Variants in PPP2R2B observed in about 807,000 individuals in gnomAD.
The protein encoded by PPP2R2B is serine/threonine-protein phosphatase 2A 55 kDa regulatory subunit B beta isoform.
In PPP2R2B, 5 loss-of-function variants were observed where a neutral mutation model predicts 46.0. That is an observed-to-expected ratio of 0.11 (90% CI 0.06 to 0.23). The LOEUF (loss-of-function observed/expected upper bound fraction) is 0.23. Among genes scored for constraint, PPP2R2B ranks in the 10% least tolerant of loss-of-function variants. The pLI is 1.00. For synonymous variants in PPP2R2B, 215 were observed against 206.7 expected, an observed-to-expected ratio of 1.04 and a Z score of -0.34; for missense variants, 367 against 575.0, an observed-to-expected ratio of 0.64 and a Z score of 3.70.
At chr5:146,853,189 G>T (rs1760454685) in intron 2 of PPP2R2B, among the ~76,000 whole-genome samples, 1 of 152,104 alleles carries the variant, frequency 6.6e-6, no homozygotes, top group African/African-American at 2.4e-5. Flanking sequence ...ATGTGTTGAG[G>T]CCATAGAATT....
rs189053151 is a variant in PPP2R2B at position 146,746,843 on chromosome 5, C to T, written c.71-45701G>A. The stretch of plus-strand genomic sequence containing the variant: ...TATTAAATGCTGTGAGATAAAAGTG[C>T]TGTAGGGATATTTAAACTCCCATTA... On this transcript the variant is annotated intron_variant, in intron 2 of 9. Transcript: ENST00000394411. Among the ~76,000 whole-genome samples, 118 of 152,238 alleles carry T rather than the reference C, an allele frequency of 7.8e-4. No individual in the cohort carries two copies. The East Asian group carries it at 0.013, about 17-fold the overall frequency.
intron 2 of PPP2R2B, among the ~76,000 whole-genome samples, chr5:146,744,966 C>G (rs536972719): frequency 4.6e-5 from 7 of 152,122 alleles, no homozygotes; most frequent in African/African-American, 1.7e-4. Flanking sequence ...GTTAAGAGAC[C>G]AAGAGTCAAA....
intron 2 of PPP2R2B, among the ~76,000 whole-genome samples, chr5:147,070,779 C>T (rs887671973): frequency 3.3e-5 from 5 of 152,078 alleles, no homozygotes; most frequent in African/African-American, 9.7e-5. Context: ...GCTGCAAAGC[C>T]GAGATTTTGT....
chr5:147,080,187 C>T (rs1246814697), intron 2 of PPP2R2B, among the ~76,000 whole-genome samples: 2 of 152,166 alleles, frequency 1.3e-5, no homozygotes, highest in African/African-American at 4.8e-5. Flanking sequence ...TGCAGAATGA[C>T]CTGAAGTTCA....
intron 2 of PPP2R2B, among the ~76,000 whole-genome samples, chr5:147,064,899 T>C (rs183587666): frequency 1.0e-3 from 152 of 152,334 alleles, no homozygotes; most frequent in African/African-American, 3.3e-3. Flanking sequence ...GTTTGGGCAG[T>C]AGAATGAATT....
At chr5:146,852,988 C>A (rs1354728353) in intron 2 of PPP2R2B, among the ~76,000 whole-genome samples, 1 of 152,082 alleles carries the variant, frequency 6.6e-6, no homozygotes, top group East Asian at 1.9e-4. Context: ...TGCCAAGCCT[C>A]CATTTCATTT....
intron 8 of PPP2R2B, among the ~76,000 whole-genome samples, chr5:146,594,279 AAC>A (rs764022727): frequency 1.3e-5 from 2 of 152,204 alleles, no homozygotes; most frequent in Non-Finnish European, 2.9e-5. Flanking sequence ...AGGGTTGAGA[AAC>A]AGTGTCAGAT....
chr5:146,805,617 A>G (rs1472614336), intron 2 of PPP2R2B, among the ~76,000 whole-genome samples: 1 of 152,190 alleles, frequency 6.6e-6, no homozygotes, highest in African/African-American at 2.4e-5. Flanking sequence ...GAAGAAATTC[A>G]TTGATAGCAA....
chr5:147,030,683 T>C (rs987671026), intron 1 of PPP2R2B, among the ~76,000 whole-genome samples: 1 of 152,194 alleles, frequency 6.6e-6, no homozygotes, highest in Non-Finnish European at 1.5e-5. Flanking sequence ...ATACATCTAT[T>C]AATTATTAAA....
At chr5:146,855,217 T>G (rs1482456139) in intron 2 of PPP2R2B, among the ~76,000 whole-genome samples, 1 of 152,176 alleles carries the variant, frequency 6.6e-6, no homozygotes, top group Non-Finnish European at 1.5e-5. Flanking sequence ...AAGCCTTTTA[T>G]TCAAATAGAC....
At chr5:147,079,115 T>C (rs1381828522) in intron 2 of PPP2R2B, among the ~76,000 whole-genome samples, 1 of 151,998 alleles carries the variant, frequency 6.6e-6, no homozygotes, top group Non-Finnish European at 1.5e-5. Flanking sequence ...TCTGTCTTCA[T>C]AGGGGCTTTA....
At chr5:146,634,250 C>T (rs953828178) in intron 7 of PPP2R2B, among the ~76,000 whole-genome samples, 7 of 152,290 alleles carry the variant, frequency 4.6e-5, no homozygotes, top group Admixed American at 6.5e-5. Flanking sequence ...AGACTGCCTT[C>T]GAGCTGGAAC....
chr5:146,677,816 C>T (rs533231170), intron 5 of PPP2R2B, among the ~76,000 whole-genome samples: 2 of 152,254 alleles, frequency 1.3e-5, no homozygotes, highest in East Asian at 1.9e-4. Flanking sequence ...GCGTGTACCA[C>T]CACTCCTGGC....
In PPP2R2B at chr5:146,585,970, C is replaced by G. The variant is rs1488769578; in HGVS notation, c.*3977G>C. ...GTCTCCCAGTCTCATCCTTTTTCCA[C>G]TGACCAGGTTGGTTGCTCCCTTGGA... On this transcript the variant is annotated 3_prime_UTR_variant, in exon 10 of 10. Coordinates refer to ENST00000394411, the MANE Select transcript of PPP2R2B (RefSeq NM_181675.4). The G allele has an allele frequency of 1.2e-4, 18 of 152,224 alleles. No homozygotes were observed. The highest frequency in any genetic ancestry group is 1.2e-3 in the Admixed American group (18 of 15,284). The allele number at this position is 152,224 out of a possible 1,614,324, so 9.4% of individuals were successfully genotyped here.
chr5:146,842,413 C>CA (rs1554144101), intron 2 of PPP2R2B, among the ~76,000 whole-genome samples: 1 of 150,718 alleles, frequency 6.6e-6, no homozygotes, highest in Non-Finnish European at 1.5e-5. Context: ...TCCAAATAAC[C>CA]ATACTCTAAC....
chr5:146,705,036 C>T (rs1441452728), intron 2 of PPP2R2B, among the ~76,000 whole-genome samples: 2 of 152,128 alleles, frequency 1.3e-5, no homozygotes, highest in Non-Finnish European at 2.9e-5. Flanking sequence ...TCAGTTTAGA[C>T]TTAGGATCTA....
chr5:146,794,222 G>T (rs545496936), intron 2 of PPP2R2B, among the ~76,000 whole-genome samples: 1 of 152,182 alleles, frequency 6.6e-6, no homozygotes, highest in South Asian at 2.1e-4. Flanking sequence ...CTTTATGAAG[G>T]TCTTCAGTCT....
In PPP2R2B at chr5:146,581,839, G is replaced by A. The variant is rs1340053562; in HGVS notation, c.*8108C>T. 1 of 152,158 alleles carries A rather than the reference G, an allele frequency of 6.6e-6. No homozygotes were observed. The highest frequency in any genetic ancestry group is 1.5e-5 in the Non-Finnish European group (1 of 68,024). The allele number at this position is 152,158 out of a possible 1,614,324, so 9.4% of individuals were successfully genotyped here. Reference sequence around the variant, plus strand: ...GAGTCTTCATAAGCCACCTGCATTTGGAGTTGAAAACCAATGGTCTAGATG... The same window carrying A: ...GAGTCTTCATAAGCCACCTGCATTTAGAGTTGAAAACCAATGGTCTAGATG... On this transcript the variant is annotated 3_prime_UTR_variant, in exon 10 of 10. Transcript: ENST00000394411.
Position 146,788,943 on chromosome 5 carries a change from G to C in PPP2R2B, c.71-87801C>G, listed in dbSNP as rs566306852. Among the ~76,000 whole-genome samples, 6 of 152,218 alleles carry C rather than the reference G, an allele frequency of 3.9e-5. No homozygotes were observed. In the South Asian group the frequency reaches 1.2e-3, roughly 32 times the overall value. The stretch of plus-strand genomic sequence containing the variant: ...TGCTCACTGTTGTACCCCAGCACCT[G>C]GCACAAACATTGGTAAATATTTGTT... On this transcript the variant is annotated intron_variant, in intron 2 of 9. Transcript: ENST00000394411.
Sources: gnomAD v4.1 joint callset for allele counts (sites outside exome capture counted in the v4.1 genomes callset) on GRCh38, gnomAD v4.1.1 for gene constraint, MANE v1.5 for transcripts, NCBI Gene and HGNC (gene_info 2026-07-23, HGNC 2026-07-21) for gene names.